The following CADPS variants were observed in gnomAD, a reference collection of about 807,000 sequenced individuals.
The protein encoded by CADPS is calcium-dependent secretion activator 1.
CADPS carries 57 observed loss-of-function variants against 167.3 expected under a neutral mutation model. That is an observed-to-expected ratio of 0.34 (90% CI 0.28 to 0.42). CADPS has a LOEUF of 0.42. Ranked by LOEUF, CADPS falls within the 20% of genes least tolerant of loss-of-function variation. CADPS has a pLI of 1.00. For synonymous variants in CADPS, 676 were observed against 635.3 expected (o/e 1.06, Z -0.96); for missense variants, 1,414 against 1,738.1 (o/e 0.81, Z 3.32).
intron 2 of CADPS, among the ~76,000 whole-genome samples, chr3:62,763,178 C>A (rs2085950424): frequency 6.6e-6 from 1 of 152,164 alleles, no homozygotes; most frequent in Non-Finnish European, 1.5e-5. Flanking sequence ...TCACCCCCAT[C>A]CACTGTGACT....
intron 5 of CADPS, among the ~76,000 whole-genome samples, chr3:62,647,179 C>G (rs2068784648): frequency 6.6e-6 from 1 of 152,104 alleles, no homozygotes; most frequent in Admixed American, 6.5e-5. Context: ...CAGTTGTACT[C>G]CAAAACAGGT....
intron 1 of CADPS, among the ~76,000 whole-genome samples, chr3:62,866,886 T>C (rs1214153540): frequency 1.3e-5 from 2 of 152,020 alleles, no homozygotes; most frequent in Admixed American, 1.3e-4. Flanking sequence ...ATGGATAATG[T>C]CCCCAGGGTC....
At chr3:62,744,060 G>A (rs1440712179) in intron 3 of CADPS, among the ~76,000 whole-genome samples, 2 of 152,128 alleles carry the variant, frequency 1.3e-5, no homozygotes, top group African/African-American at 4.8e-5. Context: ...CTGACTGGCT[G>A]TATGACCTTG....
Position 62,399,099 on chromosome 3 carries a change from G to T in CADPS, c.*307C>A. 3.7e-6 allele frequency: 1 copy of T among 272,514 alleles called. No homozygotes were observed. The highest frequency in any genetic ancestry group is 6.4e-5 in the South Asian group (1 of 15,610). The allele number at this position is 272,514 out of a possible 1,614,324, so 16.9% of individuals were successfully genotyped here. On this transcript the variant is annotated 3_prime_UTR_variant, in exon 30 of 30. Transcript: ENST00000383710. The surrounding 1 kb of genome is among the most constrained non-coding windows in gnomAD (Gnocchi z 5.6). ...ACCAATGCATACATAGTACATGAAT[G>T]AAGCATCATTGATCTTTGCTGATAA... is the stretch of plus-strand genomic sequence containing the variant.
chr3:62,449,741 T>C lies in CADPS; in HGVS notation c.3637-3944A>G, dbSNP rs115995063. Among the ~76,000 whole-genome samples the C allele has an allele frequency of 1.0e-2, 1,516 of 152,278 alleles. 11 individuals are homozygous for C. Among genetic ancestry groups the C allele is most frequent in the African/African-American group, 0.021 (872 of 41,558 alleles). Reference sequence around the variant, plus strand: ...AACGCAAATTTCTTTAAAAGCACTATATAATATAGTAGCTTTTTGTCTTTG... The same window carrying C: ...AACGCAAATTTCTTTAAAAGCACTACATAATATAGTAGCTTTTTGTCTTTG... On this transcript the variant is annotated intron_variant, in intron 26 of 29. Coordinates refer to ENST00000383710, the MANE Select transcript of CADPS (RefSeq NM_003716.4).
intron 3 of CADPS, among the ~76,000 whole-genome samples, chr3:62,743,425 A>C (rs1445184468): frequency 1.3e-5 from 2 of 152,200 alleles, no homozygotes; most frequent in Non-Finnish European, 2.9e-5. Context: ...ACAAAGCCTA[A>C]AATATTTACC....
At chr3:62,545,142 G>A (rs1390771781) in intron 11 of CADPS, among the ~76,000 whole-genome samples, 1 of 152,106 alleles carries the variant, frequency 6.6e-6, no homozygotes, top group African/African-American at 2.4e-5. Context: ...GTGATTAACA[G>A]TTATTAGTTG....
chr3:62,407,175 C>CT (rs1308813444), intron 28 of CADPS, among the ~76,000 whole-genome samples: 2 of 149,944 alleles, frequency 1.3e-5, no homozygotes, highest in African/African-American at 4.9e-5. Flanking sequence ...TCTTTCTTCT[C>CT]TTTTTTCTCT....
At chr3:62,864,929 C>G (rs2081415157) in intron 1 of CADPS, among the ~76,000 whole-genome samples, 1 of 152,098 alleles carries the variant, frequency 6.6e-6, no homozygotes, top group South Asian at 2.1e-4. Context: ...TCTAAAATGA[C>G]TTTACATACT....
Position 62,516,044 on chromosome 3 carries a change from A to G in CADPS, c.2581+15T>C, listed in dbSNP as rs1343578936. 5.6e-6 allele frequency: 9 copies of G among 1,612,632 alleles called. No individual in the cohort carries two copies. The highest frequency in any genetic ancestry group is 1.7e-5 in the Admixed American group (1 of 59,898). On this transcript the variant is annotated intron_variant, in intron 16 of 29. Coordinates refer to ENST00000383710, the MANE Select transcript of CADPS (RefSeq NM_003716.4). ...AAAATTTAAATTCAAAACTGGGGGCAGAAGGGAGCCTTACCTTCGATTTTG... is the reference window on the plus strand; with the variant it reads ...AAAATTTAAATTCAAAACTGGGGGCGGAAGGGAGCCTTACCTTCGATTTTG...
At chr3:62,705,101 C>T (rs1312929117) in intron 3 of CADPS, among the ~76,000 whole-genome samples, 3 of 152,050 alleles carry the variant, frequency 2.0e-5, no homozygotes, top group Non-Finnish European at 4.4e-5. Flanking sequence ...AGAGGAGGGG[C>T]TCTGGGAGAC....
At chr3:62,591,411 G>C (rs1400328858) in intron 7 of CADPS, among the ~76,000 whole-genome samples, 2 of 152,204 alleles carry the variant, frequency 1.3e-5, no homozygotes, top group Non-Finnish European at 2.9e-5. Context: ...TTTATGCAGA[G>C]AATGCATTTA....
chr3:62,524,548 C>T (rs932674127), intron 13 of CADPS, among the ~76,000 whole-genome samples: 1 of 152,152 alleles, frequency 6.6e-6, no homozygotes, highest in African/African-American at 2.4e-5. Flanking sequence ...TAATTAATCT[C>T]CAAACAAGGC....
At chr3:62,599,788 A>ATT (rs1562713486) in intron 6 of CADPS, among the ~76,000 whole-genome samples, 106 of 5,010 alleles carry the variant, frequency 0.021, 2 homozygotes, top group East Asian at 0.091. Context: ...TATTATATAT[A>ATT]ATATATATAA....
chr3:62,759,781 A>T (rs1291922225), intron 2 of CADPS, among the ~76,000 whole-genome samples: 1 of 152,100 alleles, frequency 6.6e-6, no homozygotes, highest in Admixed American at 6.6e-5. Context: ...GTAAATGCAG[A>T]GATTTTTCTA....
intron 3 of CADPS, among the ~76,000 whole-genome samples, chr3:62,710,375 T>C (rs1461887104): frequency 3.3e-5 from 5 of 151,788 alleles, no homozygotes; most frequent in Admixed American, 3.3e-4. Context: ...AGAAAACTGC[T>C]ATTTTTTTAA....
At chr3:62,582,346 TGAG>T (rs1329744700) in intron 8 of CADPS, among the ~76,000 whole-genome samples, 1 of 152,078 alleles carries the variant, frequency 6.6e-6, no homozygotes, top group Non-Finnish European at 1.5e-5. Context: ...CTTGGGAAGC[TGAG>T]GTGGGAGGAT....
At chr3:62,731,907 A>T (rs1434066573) in intron 3 of CADPS, among the ~76,000 whole-genome samples, 1 of 151,708 alleles carries the variant, frequency 6.6e-6, no homozygotes, top group Non-Finnish European at 1.5e-5. Flanking sequence ...GGCTAAAAGC[A>T]TGGCTCCGGG....
In CADPS at chr3:62,455,843, G is replaced by A. The variant is rs903682112; in HGVS notation, c.3636+9524C>T. On this transcript the variant is annotated intron_variant, in intron 26 of 29. Coordinates refer to ENST00000383710, the MANE Select transcript of CADPS (RefSeq NM_003716.4). This position sits in a 1 kb window ranked among gnomAD's most constrained non-coding sequence, Gnocchi z 4.4. ...TATATTGTTGTTACTGAATAGTAAT[G>A]CTTCTGCACGAAGGGGTCACTTGTG... Among the ~76,000 whole-genome samples the A allele has an allele frequency of 2.0e-5, 3 of 152,174 alleles. No individual in the cohort carries two copies. The highest frequency in any genetic ancestry group is 4.8e-5 in the African/African-American group (2 of 41,450).
Sources: allele counts gnomAD v4.1 joint callset (sites outside exome capture counted in the v4.1 genomes callset), GRCh38; gene constraint gnomAD v4.1.1; non-coding constraint Gnocchi (gnomAD v3.1); transcripts MANE v1.5; gene names NCBI Gene and HGNC (gene_info 2026-07-23, HGNC 2026-07-21).